The following PRXL2B variants were observed in gnomAD, a reference collection of about 807,000 sequenced individuals.
PRXL2B encodes peroxiredoxin like 2B, also known as prostamide/prostaglandin F synthase.
In PRXL2B, 26 loss-of-function variants were observed where a neutral mutation model predicts 24.4. That is an observed-to-expected ratio of 1.07 (90% CI 0.78 to 1.48). The LOEUF is 1.48. PRXL2B is among the 40% of genes most tolerant of loss of function. The pLI is 0.00. For synonymous variants in PRXL2B, 115 were observed against 118.9 expected (o/e 0.97, Z 0.21); for missense variants, 269 against 264.8 (o/e 1.02, Z -0.11).
chr1:2,588,274 G>A (rs1180566605), intron 3 of PRXL2B, 116 bp from the exon 4 acceptor site: 3 of 1,364,966 alleles, frequency 2.2e-6, no homozygotes, highest in African/African-American at 2.9e-5. Context: ...TCTGAGCCCT[G>A]GTGAGGCGGG....
chr1:2,586,999 G>T, intron 1 of PRXL2B, 51 bp downstream of exon 1: 1 of 1,318,302 alleles, frequency 7.6e-7, no homozygotes. Flanking sequence ...CTCCTTGCCC[G>T]GGCGTCCTGG....
At position 2,590,977 on chromosome 1, in the gene PRXL2B, G is replaced by C. The variant is rs373302303; in HGVS notation, c.*1550G>C. The C allele has an allele frequency of 7.0e-6, 11 of 1,560,896 alleles. No individual in the cohort carries two copies. Among genetic ancestry groups the C allele is most frequent in the African/African-American group, 1.4e-5 (1 of 73,492 alleles). On this transcript the variant is annotated 3_prime_UTR_variant, in exon 7 of 7. Coordinates refer to ENST00000419916, the MANE Select transcript of PRXL2B (RefSeq NM_152371.5). ...CGGGTGGGCGTGGGCCGCACAGCGC[G>C]GCAGGGCCTTGGCTACCACACGCGG... is the stretch of plus-strand genomic sequence containing the variant.
In PRXL2B at chr1:2,590,693, A is replaced by G. The variant is rs189279989; in HGVS notation, c.*1266A>G. ...CTGAAGCTGTAGATACTGGAAGACA[A>G]TGCACCTTGGAGGGTGGGCAGGACA... On this transcript the variant is annotated 3_prime_UTR_variant, in exon 7 of 7. Coordinates refer to ENST00000419916, the MANE Select transcript of PRXL2B (RefSeq NM_152371.5). The G allele has an allele frequency of 2.4e-3, 859 of 363,098 alleles. 4 individuals carry two copies. Among genetic ancestry groups the G allele is most frequent in the Admixed American group, 5.7e-3 (121 of 21,346 alleles). 22.5% of individuals were successfully genotyped at this position (363,098 alleles called of 1,614,324 possible). A position where few individuals can be genotyped will look rare whatever the true frequency, so the allele number is the denominator to read the frequency against.
At chr1:2,588,053 C>G (rs1032556611) in intron 3 of PRXL2B, among the ~76,000 whole-genome samples, 10 of 152,302 alleles carry the variant, frequency 6.6e-5, no homozygotes, top group African/African-American at 2.4e-4. Context: ...CGTGGCCCAT[C>G]AGGGGCCATC....
At position 2,591,359 on chromosome 1, in the gene PRXL2B, C is replaced by T. The variant is rs759847809; in HGVS notation, c.*1932C>T. 2.1e-5 allele frequency: 13 copies of T among 604,662 alleles called. No individual in the cohort carries two copies. In the Admixed American group the frequency reaches 3.2e-4, roughly 15 times the overall value. 37.5% of individuals were successfully genotyped at this position (604,662 alleles called of 1,614,324 possible). ...ATTCGCAGCCTGCGGTAGGCTCCCCCTTCCTAAACCCTTAAATGCCCTTAG... is the reference window on the plus strand; with the variant it reads ...ATTCGCAGCCTGCGGTAGGCTCCCCTTTCCTAAACCCTTAAATGCCCTTAG... On this transcript the variant is annotated 3_prime_UTR_variant, in exon 7 of 7. Transcript: ENST00000419916.
rs559307581 is a variant in PRXL2B at position 2,588,389 on chromosome 1, G to A, written c.321-1G>A. On this transcript the variant is annotated splice_acceptor_variant, in intron 3 of 6. Transcript: ENST00000419916. LOFTEE classifies it high-confidence loss of function. ...GGCCAAGCGACCTGGTGTCTTCGCA[G>A]GTACAACAGCCTGAGCATCCTCCCA... 1 of 1,614,170 alleles carries A rather than the reference G, an allele frequency of 6.2e-7. No individual in the cohort carries two copies. The highest frequency in any genetic ancestry group is 2.2e-5 in the East Asian group (1 of 44,886).
At position 2,587,691 on chromosome 1, in the gene PRXL2B, G is replaced by C. The variant is rs953587034; in HGVS notation, c.269-50G>C. ...GGCGATTCTTTGTGGTGAGTGGGTT[G>C]GGGGCTGGTTCTGCGCCTGGGGCAC... On this transcript the variant is annotated intron_variant, in intron 2 of 6. Coordinates refer to ENST00000419916, the MANE Select transcript of PRXL2B (RefSeq NM_152371.5). This position sits in a 1 kb window ranked among gnomAD's most constrained non-coding sequence, Gnocchi z 6.1. 1.3e-6 allele frequency: 2 copies of C among 1,565,648 alleles called. No homozygotes were observed. The highest frequency in any genetic ancestry group is 1.7e-6 in the Non-Finnish European group (2 of 1,152,548).
rs1644559199 is a variant in PRXL2B, at chr1:2,587,654, CG to C, written c.269-85del. 6 of 1,457,742 alleles carry C rather than the reference CG, an allele frequency of 4.1e-6. No individual in the cohort carries two copies. In the South Asian group the frequency reaches 7.3e-5, roughly 18 times the overall value. The allele number at this position is 1,457,742 out of a possible 1,614,324, so 90.3% of individuals were successfully genotyped here. A position where few individuals can be genotyped will look rare whatever the true frequency, so the allele number is the denominator to read the frequency against. ...GAGGGTGGGCAGAGGAACAGAGGGTCGGAAGGAGGAGGGCGATTCTTTGTGG... is the reference window on the plus strand; with the variant it reads ...GAGGGTGGGCAGAGGAACAGAGGGTCGAAGGAGGAGGGCGATTCTTTGTGG... On this transcript the variant is annotated intron_variant, in intron 2 of 6. Transcript: ENST00000419916. The surrounding 1 kb of genome is among the most constrained non-coding windows in gnomAD (Gnocchi z 6.1).
Position 2,589,562 on chromosome 1 carries a change from C to T in PRXL2B, c.*135C>T, listed in dbSNP as rs1471811732. On this transcript the variant is annotated 3_prime_UTR_variant, in exon 7 of 7. Transcript: ENST00000419916. ...ACCTCTCCTGATCCGCCGGCAGCAA[C>T]GAGCCATTAAAACTGCAGTTCCTGA... 4.0e-5 allele frequency: 52 copies of T among 1,292,152 alleles called. No individual in the cohort carries two copies. The Admixed American group carries it at 4.2e-4, about 10-fold the overall frequency. 80.0% of individuals were successfully genotyped at this position (1,292,152 alleles called of 1,614,324 possible).
intron 3 of PRXL2B, 134 bp from the exon 4 acceptor site, chr1:2,588,256 G>T (rs1489638686): frequency 8.6e-7 from 1 of 1,166,686 alleles, no homozygotes; most frequent in Non-Finnish European, 1.2e-6. Flanking sequence ...CTGGTCGCCT[G>T]TGCCATCTCT....
At chr1:2,586,766 C>G, upstream of PRXL2B, 1 of 1,232,804 alleles carries the variant, frequency 8.1e-7, no homozygotes, top group Non-Finnish European at 1.0e-6. Context: ...GGGACCGGGG[C>G]ATCTCGGGGC....
At chr1:2,588,339 C>G in intron 3 of PRXL2B, 51 bp from the exon 4 acceptor site, 1 of 1,613,728 alleles carries the variant, frequency 6.2e-7, no homozygotes, top group Non-Finnish European at 8.5e-7. Flanking sequence ...GGAGCAGGCT[C>G]TGGACCCAGG....
Position 2,586,799 on chromosome 1 carries a change from A to G in PRXL2B, c.-87A>G. 7.9e-7 allele frequency: 1 copy of G among 1,259,436 alleles called. No homozygotes were observed. The allele number at this position is 1,259,436 out of a possible 1,614,324, so 78.0% of individuals were successfully genotyped here. A position where few individuals can be genotyped will look rare whatever the true frequency, so the allele number is the denominator to read the frequency against. On this transcript the variant is annotated 5_prime_UTR_variant, in exon 1 of 7. Transcript: ENST00000419916. ...GGCGGGGCTTGGGGCTGGATCTATG[A>G]GCCGGGAGCGGGGATCCAGGAGCGA... is the stretch of plus-strand genomic sequence containing the variant.
chr1:2,586,807 G>C lies in PRXL2B; in HGVS notation c.-79G>C. ...TTGGGGCTGGATCTATGAGCCGGGAGCGGGGATCCAGGAGCGAGGAGCCGG... is the reference window on the plus strand; with the variant it reads ...TTGGGGCTGGATCTATGAGCCGGGACCGGGGATCCAGGAGCGAGGAGCCGG... On this transcript the variant is annotated 5_prime_UTR_variant, in exon 1 of 7. Transcript: ENST00000419916. The C allele has an allele frequency of 7.9e-7, 1 of 1,263,596 alleles. No individual in the cohort carries two copies. Among genetic ancestry groups the C allele is most frequent in the East Asian group, 3.1e-5 (1 of 31,856 alleles). The allele number at this position is 1,263,596 out of a possible 1,614,324, so 78.3% of individuals were successfully genotyped here.
At position 2,589,596 on chromosome 1, in the gene PRXL2B, T is replaced by G. The variant is rs912269554; in HGVS notation, c.*169T>G. ...AAAACTGCAGTTCCTGACCACGCAC[T>G]GCTTCGCAGGCTCCGAGCCCTGCAT... On this transcript the variant is annotated 3_prime_UTR_variant, in exon 7 of 7. Transcript: ENST00000419916. 1 of 875,130 alleles carries G rather than the reference T, an allele frequency of 1.1e-6. No homozygotes were observed. The highest frequency in any genetic ancestry group is 1.8e-6 in the Non-Finnish European group (1 of 560,442). The allele number at this position is 875,130 out of a possible 1,614,324, so 54.2% of individuals were successfully genotyped here.
chr1:2,591,403 T>C lies in PRXL2B; in HGVS notation c.*1976T>C. The C allele has an allele frequency of 5.9e-6, 4 of 673,056 alleles. No individual in the cohort carries two copies. The allele number at this position is 673,056 out of a possible 1,614,324, so 41.7% of individuals were successfully genotyped here. A position where few individuals can be genotyped will look rare whatever the true frequency, so the allele number is the denominator to read the frequency against. The stretch of plus-strand genomic sequence containing the variant: ...CCCTTAGTCTGTAAGAGAATGTCCC[T>C]GACCGAAATCGGCCAGAAGCCCCTC... On this transcript the variant is annotated 3_prime_UTR_variant, in exon 7 of 7. Coordinates refer to ENST00000419916, the MANE Select transcript of PRXL2B (RefSeq NM_152371.5).
Position 2,591,200 on chromosome 1 carries a change from G to A in PRXL2B, c.*1773G>A. 1.5e-6 allele frequency: 1 copy of A among 688,140 alleles called. No individual in the cohort carries two copies. The highest frequency in any genetic ancestry group is 2.0e-5 in the South Asian group (1 of 49,710). 42.6% of individuals were successfully genotyped at this position (688,140 alleles called of 1,614,324 possible). The stretch of plus-strand genomic sequence containing the variant: ...CCAAAACATCAGCCTAATGGCTCAT[G>A]TCAGTATGAGCAGAAACATTTCAAC... On this transcript the variant is annotated 3_prime_UTR_variant, in exon 7 of 7. Coordinates refer to ENST00000419916, the MANE Select transcript of PRXL2B (RefSeq NM_152371.5).
Position 2,589,506 on chromosome 1 carries a change from C to T in PRXL2B, c.*79C>T, listed in dbSNP as rs1383438205. The stretch of plus-strand genomic sequence containing the variant: ...TGTGCTGGAAGTCCACTTGGAAGAA[C>T]TGTTCCGGAGGCGCTGGGTCGGGAT... On this transcript the variant is annotated 3_prime_UTR_variant, in exon 7 of 7. Coordinates refer to ENST00000419916, the MANE Select transcript of PRXL2B (RefSeq NM_152371.5). 1.2e-6 allele frequency: 2 copies of T among 1,607,338 alleles called. No homozygotes were observed. Among genetic ancestry groups the T allele is most frequent in the African/African-American group, 2.7e-5 (2 of 74,786 alleles).
At position 2,586,850 on chromosome 1, in the gene PRXL2B, T is replaced by TCGGGGAGC. The variant is rs1308038894; in HGVS notation, c.-31_-24dup. The TCGGGGAGC allele has an allele frequency of 8.6e-6, 11 of 1,276,648 alleles. No homozygotes were observed. The highest frequency in any genetic ancestry group is 4.2e-5 in the Admixed American group (1 of 23,826). The allele number at this position is 1,276,648 out of a possible 1,614,324, so 79.1% of individuals were successfully genotyped here. A position where few individuals can be genotyped will look rare whatever the true frequency, so the allele number is the denominator to read the frequency against. ...GGAGCCGGGAGCGGGGAACAGGGAG[T>TCGGGGAGC]CGGGGAGCCGGGAACCAGGGCTGGC... On this transcript the variant is annotated 5_prime_UTR_variant, in exon 1 of 7. Coordinates refer to ENST00000419916, the MANE Select transcript of PRXL2B (RefSeq NM_152371.5).
Sources: gnomAD v4.1 joint callset for allele counts (sites outside exome capture counted in the v4.1 genomes callset) on GRCh38, gnomAD v4.1.1 for gene constraint, Gnocchi (gnomAD v3.1) non-coding constraint, MANE v1.5 for transcripts, NCBI Gene and HGNC (gene_info 2026-07-23, HGNC 2026-07-21) for gene names.